Variants in DCLK1 observed in about 807,000 individuals in gnomAD.
DCLK1 encodes doublecortin like kinase 1, also known as serine/threonine-protein kinase DCLK1.
In DCLK1, 16 loss-of-function variants were observed where a neutral mutation model predicts 86.2. The ratio of observed to expected loss-of-function variants is 0.19; its 90% CI spans 0.13 to 0.28. The LOEUF (loss-of-function observed/expected upper bound fraction) is 0.28. Among genes scored for constraint, DCLK1 ranks in the 10% least tolerant of loss-of-function variants. The probability of loss-of-function intolerance (pLI) is 1.00; values close to 1 mark genes in which losing one functional copy is unlikely to be tolerated. For missense variants in DCLK1, 590 were observed against 940.2 expected, an observed-to-expected ratio of 0.63 and a Z score of 4.87; for synonymous variants, 369 against 370.5, an observed-to-expected ratio of 1.00 and a Z score of 0.05.
intron 4 of DCLK1, among the ~76,000 whole-genome samples, chr13:35,929,693 A>G (rs941366944): frequency 2.0e-5 from 3 of 152,156 alleles, no homozygotes; most frequent in African/African-American, 4.8e-5. Flanking sequence ...CAGCACTGCC[A>G]CTTTTCTTCA....
In DCLK1 at chr13:35,994,050, G is replaced by A. The variant is rs557541972; in HGVS notation, c.724-46593C>T. ...TGCAAAACATCCTTTTGAGATACTG[G>A]AACCAATACTATGAGCCCTTTGAAA... On this transcript the variant is annotated intron_variant, in intron 3 of 16. Coordinates refer to ENST00000360631, the MANE Select transcript of DCLK1 (RefSeq NM_001330071.2). 6.0e-5 allele frequency among the ~76,000 whole-genome samples: 9 copies of A among 150,426 alleles called. No homozygotes were observed. The South Asian group carries it at 1.7e-3, about 28-fold the overall frequency.
At chr13:35,814,603 G>A (rs559545279) in intron 11 of DCLK1, among the ~76,000 whole-genome samples, 12 of 152,324 alleles carry the variant, frequency 7.9e-5, no homozygotes, top group African/African-American at 2.2e-4. Flanking sequence ...TGACCCACAC[G>A]TGAAGTGGGA....
chr13:35,828,058 A>G (rs184400275), intron 9 of DCLK1, among the ~76,000 whole-genome samples, 192 bp downstream of exon 9: 24 of 152,350 alleles, frequency 1.6e-4, no homozygotes, highest in Admixed American at 1.6e-3. Flanking sequence ...AAGGAAGTGA[A>G]GTCATATCTA....
At position 35,874,992 on chromosome 13, in the gene DCLK1, G is replaced by A. The variant is rs1012156513; in HGVS notation, c.824-3652C>T. 2.0e-5 allele frequency among the ~76,000 whole-genome samples: 3 copies of A among 152,196 alleles called. No individual in the cohort carries two copies. The East Asian group carries it at 5.8e-4, about 29-fold the overall frequency. On this transcript the variant is annotated intron_variant, in intron 4 of 16. Coordinates refer to ENST00000360631, the MANE Select transcript of DCLK1 (RefSeq NM_001330071.2). Reference sequence around the variant, plus strand: ...ACGTGGCCACTACGTGCCAAGCATCGAGAGCTGCAGGCATGATGGAGAACA... The same window carrying A: ...ACGTGGCCACTACGTGCCAAGCATCAAGAGCTGCAGGCATGATGGAGAACA...
chr13:36,073,045 T>C (rs1884036212), intron 3 of DCLK1, among the ~76,000 whole-genome samples: 1 of 152,218 alleles, frequency 6.6e-6, no homozygotes, highest in African/African-American at 2.4e-5. Flanking sequence ...TTTAATTCTC[T>C]ACTGTACCAC....
chr13:35,795,523 T>C (rs1284611232), intron 15 of DCLK1, among the ~76,000 whole-genome samples: 2 of 152,116 alleles, frequency 1.3e-5, no homozygotes, highest in South Asian at 2.1e-4. Context: ...ACTCTACAAG[T>C]GAAAGAGAAA....
chr13:35,814,641 T>A (rs2087228707), intron 11 of DCLK1, among the ~76,000 whole-genome samples: 2 of 152,222 alleles, frequency 1.3e-5, no homozygotes, highest in Admixed American at 6.5e-5. Context: ...CAAGGAGTAT[T>A]CACAACATGA....
intron 3 of DCLK1, among the ~76,000 whole-genome samples, chr13:36,007,293 G>C (rs1249742151): frequency 2.6e-5 from 4 of 152,190 alleles, no homozygotes; most frequent in South Asian, 4.1e-4. Context: ...AAGCTTAGTA[G>C]AGATTTTTAA....
intron 4 of DCLK1, among the ~76,000 whole-genome samples, chr13:35,875,062 G>A (rs1237159753): frequency 6.6e-6 from 1 of 152,344 alleles, no homozygotes; most frequent in Admixed American, 6.5e-5. Flanking sequence ...TGGTAATGGT[G>A]CATAGAGTCT....
chr13:35,861,665 T>A (rs1871391138), intron 5 of DCLK1, among the ~76,000 whole-genome samples: 3 of 143,702 alleles, frequency 2.1e-5, no homozygotes, highest in Middle Eastern at 3.9e-3. Flanking sequence ...CTCAAAACTT[T>A]CTGCCCCTTT....
chr13:35,878,252 T>C lies in DCLK1; in HGVS notation c.824-6912A>G, dbSNP rs576977798. Among the ~76,000 whole-genome samples the C allele has an allele frequency of 2.6e-5, 4 of 152,346 alleles. No individual in the cohort carries two copies. The East Asian group carries it at 7.7e-4, about 29-fold the overall frequency. On this transcript the variant is annotated intron_variant, in intron 4 of 16. Transcript: ENST00000360631. ...TTCTATAGAAATGTTATGATTTTCA[T>C]ACTTCGCAGCAGCATTACAGGAAAA...
intron 3 of DCLK1, among the ~76,000 whole-genome samples, chr13:35,964,234 T>C (rs564331516): frequency 6.6e-6 from 1 of 152,198 alleles, no homozygotes; most frequent in Non-Finnish European, 1.5e-5. Flanking sequence ...TGTATAAAAT[T>C]GCAGAATTAA....
chr13:36,102,508 C>CACAGGTGTACAA (rs1885253533), intron 3 of DCLK1, among the ~76,000 whole-genome samples: 1 of 152,184 alleles, frequency 6.6e-6, no homozygotes, highest in African/African-American at 2.4e-5. Context: ...TTTGGTCTCA[C>CACAGGTGTACAA]ACAGGTGTAC....
chr13:35,915,165 C>G (rs60499108), intron 4 of DCLK1, among the ~76,000 whole-genome samples: 2,826 of 152,242 alleles, frequency 0.019, 97 homozygotes, highest in African/African-American at 0.065. Flanking sequence ...TTTGTTAATC[C>G]TTAGAACATA....
chr13:35,974,662 C>T (rs1593783564), intron 3 of DCLK1, among the ~76,000 whole-genome samples: 2 of 152,240 alleles, frequency 1.3e-5, no homozygotes, highest in East Asian at 3.9e-4. Context: ...TCACCTTCTG[C>T]CATGGTTGTA....
chr13:35,967,531 AC>A (rs1320342836), intron 3 of DCLK1, among the ~76,000 whole-genome samples: 6 of 152,138 alleles, frequency 3.9e-5, no homozygotes, highest in Non-Finnish European at 5.9e-5. Flanking sequence ...CTTACCCTCA[AC>A]CCCGTGCTCT....
At chr13:36,049,960 C>G (rs1006614751) in intron 3 of DCLK1, among the ~76,000 whole-genome samples, 1 of 152,104 alleles carries the variant, frequency 6.6e-6, no homozygotes, top group Non-Finnish European at 1.5e-5. Context: ...TTTGTAATGA[C>G]TGCTGATTTC....
intron 1 of DCLK1, 45 bp from the exon 2 acceptor site, chr13:36,126,201 TTATATA>T (rs144431309): frequency 3.1e-6 from 4 of 1,299,228 alleles, no homozygotes; most frequent in East Asian, 2.6e-5. Context: ...TTGATGTAGG[TTATATA>T]TATATATATA....
At chr13:36,045,340 A>ATATATATATATATATG in intron 3 of DCLK1, among the ~76,000 whole-genome samples, 1 of 96,990 alleles carries the variant, frequency 1.0e-5, no homozygotes, top group East Asian at 3.0e-4. Context: ...GTGTATATAT[A>ATATATATATATATATG]TATATATATA....
Sources: allele counts gnomAD v4.1 joint callset (sites outside exome capture counted in the v4.1 genomes callset), GRCh38; gene constraint gnomAD v4.1.1; transcripts MANE v1.5; gene names NCBI Gene and HGNC (gene_info 2026-07-23, HGNC 2026-07-21).